SLC25A48: variants seen among roughly 807,000 people sequenced by gnomAD.
SLC25A48 encodes the protein CTC-321K16.1.
Under a neutral mutation model 32.2 loss-of-function variants are expected in SLC25A48, and 29 were observed. The observed-to-expected ratio is 0.90, with a 90% CI of 0.67 to 1.23. The LOEUF (loss-of-function observed/expected upper bound fraction) is 1.23. SLC25A48 is among the 50% of genes most tolerant of loss of function. The pLI, the probability that SLC25A48 is intolerant of heterozygous loss-of-function variation, is 0.00. For synonymous variants in SLC25A48, 164 were observed against 172.3 expected (o/e 0.95, Z 0.38); for missense variants, 399 against 422.7 (o/e 0.94, Z 0.49).
chr5:135,784,571 C>T (rs1756791211), intron 3 of SLC25A48, among the ~76,000 whole-genome samples: 1 of 117,784 alleles, frequency 8.5e-6, no homozygotes, highest in African/African-American at 2.6e-5. Flanking sequence ...GTACACCCAC[C>T]ACGTGATATT....
intron 3 of SLC25A48, among the ~76,000 whole-genome samples, chr5:135,723,529 T>C (rs1755021202): frequency 1.7e-5 from 2 of 115,872 alleles, no homozygotes; most frequent in Admixed American, 1.8e-4. Flanking sequence ...TGCAGTCCTC[T>C]TTTTTTTTTC....
intron 3 of SLC25A48, among the ~76,000 whole-genome samples, chr5:135,805,454 T>G (rs1192333671): frequency 6.6e-6 from 1 of 151,348 alleles, no homozygotes; most frequent in Non-Finnish European, 1.5e-5. Flanking sequence ...ATACACGCTG[T>G]GCATACACCC....
exon 4 of SLC25A48, chr5:135,812,660 A>T (rs1324238481): frequency 1.3e-5 from 2 of 152,292 alleles, no homozygotes; most frequent in East Asian, 3.9e-4. Context: ...TTTCTCCCTA[A>T]CATCCAGTTC....
intron 3 of SLC25A48, among the ~76,000 whole-genome samples, chr5:135,751,774 G>A (rs1464217666): frequency 6.6e-6 from 1 of 152,082 alleles, no homozygotes; most frequent in African/African-American, 2.4e-5. Context: ...TGCAATGAGC[G>A]ATGAGCTATT....
chr5:135,792,406 G>A (rs182878051), intron 3 of SLC25A48, among the ~76,000 whole-genome samples: 6 of 151,626 alleles, frequency 4.0e-5, no homozygotes, highest in African/African-American at 1.4e-4. Flanking sequence ...TATCCTAAGG[G>A]GATGCTGCTA....
intron 3 of SLC25A48, among the ~76,000 whole-genome samples, chr5:135,678,197 T>A (rs1040531757): frequency 2.6e-5 from 4 of 152,204 alleles, no homozygotes; most frequent in Non-Finnish European, 5.9e-5. Flanking sequence ...CCACATAAGC[T>A]TTGTTCATTC....
At chr5:135,786,190 T>C (rs901786421) in intron 3 of SLC25A48, among the ~76,000 whole-genome samples, 1 of 151,876 alleles carries the variant, frequency 6.6e-6, no homozygotes, top group African/African-American at 2.4e-5. Flanking sequence ...TTACTCCCCA[T>C]GGGGCAGGGG....
chr5:135,849,891 T>C (rs552475677), intron 2 of SLC25A48, among the ~76,000 whole-genome samples: 1 of 152,216 alleles, frequency 6.6e-6, no homozygotes, highest in Admixed American at 6.5e-5. Flanking sequence ...GAATTTATCC[T>C]ACATTTGATG....
chr5:135,790,175 A>G (rs2126631991), intron 3 of SLC25A48, among the ~76,000 whole-genome samples: 1 of 151,890 alleles, frequency 6.6e-6, no homozygotes, highest in Admixed American at 6.6e-5. Context: ...AATTCTCAAT[A>G]TGATATTATT....
chr5:135,856,482 T>G (rs759549106), intron 4 of SLC25A48, among the ~76,000 whole-genome samples: 3 of 152,194 alleles, frequency 2.0e-5, no homozygotes, highest in Admixed American at 6.5e-5. Flanking sequence ...GCCCCGGAGC[T>G]GCCCAGGACA....
intron 4 of SLC25A48, among the ~76,000 whole-genome samples, chr5:135,864,289 C>A (rs1561544837): frequency 6.6e-6 from 1 of 152,178 alleles, no homozygotes; most frequent in Non-Finnish European, 1.5e-5. Context: ...ATCCATTTGT[C>A]TCTTTAGCAA....
upstream of SLC25A48, among the ~76,000 whole-genome samples, chr5:135,830,659 C>T (rs570356899): frequency 1.3e-5 from 2 of 152,358 alleles, no homozygotes; most frequent in South Asian, 4.1e-4. Context: ...TCGTGTGCTC[C>T]TTTTCCTTCC....
At position 135,842,277 on chromosome 5, in the gene SLC25A48, G is replaced by A. The variant is rs192883806; in HGVS notation, c.47-139G>A. The stretch of plus-strand genomic sequence containing the variant: ...TCCTTGGTGCATGGGCCAGTGCCTA[G>A]CACATTGGAGCCCACCCACTCCCCC... On this transcript the variant is annotated intron_variant, in intron 1 of 7. Transcript: ENST00000681962. 7.3e-6 allele frequency: 6 copies of A among 817,178 alleles called. No homozygotes were observed. The East Asian group carries it at 1.5e-4, about 20-fold the overall frequency. The allele number at this position is 817,178 out of a possible 1,614,324, so 50.6% of individuals were successfully genotyped here.
intron 2 of SLC25A48, among the ~76,000 whole-genome samples, chr5:135,633,412 A>G (rs1215995756): frequency 6.6e-6 from 1 of 151,760 alleles, no homozygotes; most frequent in East Asian, 1.9e-4. Flanking sequence ...TCCTAATTCA[A>G]TAGGGTTGGT....
chr5:135,883,317 A>G (rs892419301), intron 7 of SLC25A48: 1 of 985,546 alleles, frequency 1.0e-6, no homozygotes. Context: ...GCACCTGGTA[A>G]CAAACAAACG....
At chr5:135,829,596 A>G (rs1157399829) in intron 4 of SLC25A48, among the ~76,000 whole-genome samples, 1 of 148,874 alleles carries the variant, frequency 6.7e-6, no homozygotes, top group Non-Finnish European at 1.5e-5. Flanking sequence ...AAACTGTTGC[A>G]GGAGTCCTAT....
chr5:135,776,971 CATG>C (rs1756579954), intron 3 of SLC25A48, among the ~76,000 whole-genome samples: 1 of 151,640 alleles, frequency 6.6e-6, no homozygotes, highest in African/African-American at 2.4e-5. Context: ...GGAGGAAGAG[CATG>C]ATATTACTGC....
intron 3 of SLC25A48, among the ~76,000 whole-genome samples, chr5:135,651,365 C>T (rs999895996): frequency 6.6e-6 from 1 of 152,174 alleles, no homozygotes; most frequent in African/African-American, 2.4e-5. Flanking sequence ...TGAGTGGTTT[C>T]CCCCAGGACT....
rs934328809 is a variant in SLC25A48 at position 135,700,844 on chromosome 5, C to T, written c.-521+65888C>T. 3.9e-5 allele frequency among the ~76,000 whole-genome samples: 6 copies of T among 152,352 alleles called. No homozygotes were observed. In the South Asian group the frequency reaches 6.2e-4, roughly 16 times the overall value. Reference sequence around the variant, plus strand: ...CAACACAGTGGATACCACTTGTGCACGTGCTCCGAGGCCTGCCAGGCCTGC... The same window carrying T: ...CAACACAGTGGATACCACTTGTGCATGTGCTCCGAGGCCTGCCAGGCCTGC... On this transcript the variant is annotated intron_variant, in intron 3 of 10. Transcript: ENST00000646290.
Sources: allele counts gnomAD v4.1 joint callset (sites outside exome capture counted in the v4.1 genomes callset), GRCh38; gene constraint gnomAD v4.1.1; transcripts MANE v1.5; gene names NCBI Gene and HGNC (gene_info 2026-07-23, HGNC 2026-07-21).